DNAJC6: variants seen among roughly 807,000 people sequenced by gnomAD.
DNAJC6 encodes auxilin.
A neutral mutation model predicts 110.0 loss-of-function variants in DNAJC6; 34 were observed. The observed-to-expected ratio is 0.31, with a 90% CI of 0.24 to 0.41. The LOEUF is 0.41. Ranked by LOEUF, DNAJC6 falls within the 10% of genes least tolerant of loss-of-function variation. The pLI, the probability that DNAJC6 is intolerant of heterozygous loss-of-function variation, is 1.00. For missense variants in DNAJC6, 1,031 were observed against 1,207.8 expected, an observed-to-expected ratio of 0.85 and a Z score of 2.17; for synonymous variants, 406 against 437.2, an observed-to-expected ratio of 0.93 and a Z score of 0.89.
intron 1 of DNAJC6, among the ~76,000 whole-genome samples, chr1:65,323,944 A>C (rs1010615363): frequency 1.3e-5 from 2 of 152,176 alleles, no homozygotes; most frequent in East Asian, 3.9e-4. Context: ...AGGAAGAACA[A>C]ATGGAATAAG....
intron 5 of DNAJC6, among the ~76,000 whole-genome samples, chr1:65,380,936 T>TTC (rs1645815484): frequency 6.9e-6 from 1 of 144,920 alleles, no homozygotes; most frequent in African/African-American, 2.7e-5. Flanking sequence ...TTTTTTTTTT[T>TTC]TGGGACCGAG....
intron 16 of DNAJC6, 104 bp from the exon 17 acceptor site, chr1:65,408,537 A>G (rs1646098109): frequency 1.6e-6 from 2 of 1,282,558 alleles, no homozygotes; most frequent in Non-Finnish European, 1.1e-6. Flanking sequence ...TAAGGACTGA[A>G]TGCATATTAA....
chr1:65,397,601 TG>T (rs1645991723), intron 13 of DNAJC6, among the ~76,000 whole-genome samples: 1 of 152,152 alleles, frequency 6.6e-6, no homozygotes, highest in Non-Finnish European at 1.5e-5. Context: ...TAAGGGTTTG[TG>T]GGTTTGATTA....
At chr1:65,379,125 G>GA (rs1184466595) in intron 4 of DNAJC6, among the ~76,000 whole-genome samples, 1 of 152,166 alleles carries the variant, frequency 6.6e-6, no homozygotes, top group African/African-American at 2.4e-5. Flanking sequence ...TCACAGAATA[G>GA]AAAAAAATCC....
intron 1 of DNAJC6, among the ~76,000 whole-genome samples, chr1:65,295,095 A>G (rs1644916470): frequency 2.6e-5 from 4 of 152,226 alleles, no homozygotes; most frequent in Admixed American, 2.6e-4. Context: ...ACAGTGATGC[A>G]GGCATTGTGT....
At chr1:65,382,351 A>C (rs6672992) in intron 5 of DNAJC6, among the ~76,000 whole-genome samples, 18,447 of 152,190 alleles carry the variant, frequency 0.12, 1,473 homozygotes, top group Non-Finnish European at 0.17. Context: ...TCTGCTTCCA[A>C]AGGTAGGTGA....
intron 1 of DNAJC6, among the ~76,000 whole-genome samples, chr1:65,299,380 C>A (rs899237735): frequency 2.6e-5 from 4 of 152,062 alleles, no homozygotes; most frequent in African/African-American, 7.2e-5. Context: ...GAATTACACG[C>A]AAAGGAAGGG....
At chr1:65,327,163 G>C (rs1645248873) in intron 1 of DNAJC6, among the ~76,000 whole-genome samples, 1 of 152,144 alleles carries the variant, frequency 6.6e-6, no homozygotes, top group Admixed American at 6.5e-5. Flanking sequence ...AGAGGGAGAT[G>C]GGGGAGGACA....
At chr1:65,347,378 G>T (rs1241769264) in intron 1 of DNAJC6, among the ~76,000 whole-genome samples, 1 of 151,528 alleles carries the variant, frequency 6.6e-6, no homozygotes, top group Non-Finnish European at 1.5e-5. Context: ...ACGGCACAAG[G>T]CCCCGTCTGG....
At chr1:65,316,727 T>C (rs751938809) in intron 1 of DNAJC6, among the ~76,000 whole-genome samples, 27 of 152,208 alleles carry the variant, frequency 1.8e-4, no homozygotes, top group Admixed American at 4.6e-4. Flanking sequence ...TAACTGTTGG[T>C]CGAAAGCTAG....
intron 11 of DNAJC6, among the ~76,000 whole-genome samples, chr1:65,390,096 A>G (rs1645911986): frequency 6.6e-6 from 1 of 152,140 alleles, no homozygotes. Flanking sequence ...CCCTACTTTC[A>G]ACTCAGTAGA....
At chr1:65,356,302 T>A (rs1390733835) in intron 1 of DNAJC6, among the ~76,000 whole-genome samples, 1 of 152,174 alleles carries the variant, frequency 6.6e-6, no homozygotes, top group African/African-American at 2.4e-5. Context: ...ACAGGCATGG[T>A]GGCTCATAAC....
At chr1:65,317,456 A>G (rs1434868707) in intron 1 of DNAJC6, among the ~76,000 whole-genome samples, 1 of 152,242 alleles carries the variant, frequency 6.6e-6, no homozygotes, top group East Asian at 1.9e-4. Context: ...CATAGTCTAG[A>G]TGCAAAAAAT....
At chr1:65,285,309 G>T (rs1353431679) in intron 1 of DNAJC6, among the ~76,000 whole-genome samples, 2 of 152,066 alleles carry the variant, frequency 1.3e-5, no homozygotes, top group Non-Finnish European at 2.9e-5. Flanking sequence ...GCGTACAATT[G>T]CTCAGACCAT....
rs377461502 is a variant in DNAJC6 at position 65,316,816 on chromosome 1, C to T, written c.193+6878C>T. On this transcript the variant is annotated intron_variant, in intron 1 of 18. Coordinates refer to ENST00000371069, the MANE Select transcript of DNAJC6 (RefSeq NM_001256864.2). ...AAGATGGTTAATATATAGCCTAGAT[C>T]CTTAACAGTTTTCTAATATAGACAT... Among the ~76,000 whole-genome samples the T allele has an allele frequency of 2.8e-4, 43 of 152,174 alleles. No homozygotes were observed. In the East Asian group the frequency reaches 5.6e-3, roughly 20 times the overall value.
chr1:65,381,107 C>T lies in DNAJC6; in HGVS notation c.666+1583C>T, dbSNP rs536218960. Among the ~76,000 whole-genome samples the T allele has an allele frequency of 5.3e-5, 8 of 151,140 alleles. No homozygotes were observed. In the East Asian group the frequency reaches 1.6e-3, roughly 30 times the overall value. ...ATAATTTTTGTATTTTTAGTAGAGACGGGTTTTCACCATGTTGGCCAGGAT... is the reference window on the plus strand; with the variant it reads ...ATAATTTTTGTATTTTTAGTAGAGATGGGTTTTCACCATGTTGGCCAGGAT... On this transcript the variant is annotated intron_variant, in intron 5 of 18. Coordinates refer to ENST00000371069, the MANE Select transcript of DNAJC6 (RefSeq NM_001256864.2).
intron 1 of DNAJC6, among the ~76,000 whole-genome samples, chr1:65,342,337 A>G (rs989599244): frequency 6.6e-6 from 1 of 152,048 alleles, no homozygotes; most frequent in African/African-American, 2.4e-5. Context: ...TTGGGAGGTG[A>G]TTAGGTTGTG....
At chr1:65,369,508 A>T (rs1211735404) in intron 4 of DNAJC6, among the ~76,000 whole-genome samples, 1 of 152,160 alleles carries the variant, frequency 6.6e-6, no homozygotes, top group African/African-American at 2.4e-5. Flanking sequence ...ATAAATGTTG[A>T]TGGTAGAGTC....
At chr1:65,380,567 T>C (rs1645807826) in intron 5 of DNAJC6, among the ~76,000 whole-genome samples, 1 of 152,230 alleles carries the variant, frequency 6.6e-6, no homozygotes, top group Admixed American at 6.5e-5. Context: ...GCACAGCAGA[T>C]GGTGTAACAG....
Sources: gnomAD v4.1 joint callset for allele counts (sites outside exome capture counted in the v4.1 genomes callset) on GRCh38, gnomAD v4.1.1 for gene constraint, MANE v1.5 for transcripts, NCBI Gene and HGNC (gene_info 2026-07-23, HGNC 2026-07-21) for gene names.